STOX2: variants seen among roughly 807,000 people sequenced by gnomAD.
STOX2 encodes the protein storkhead box 2, also known as storkhead-box protein 2.
A neutral mutation model predicts 60.9 loss-of-function variants in STOX2; 28 were observed. The observed-to-expected ratio is 0.46, with a 90% CI of 0.34 to 0.63. The LOEUF is 0.63. Among genes scored for constraint, STOX2 ranks in the 30% least tolerant of loss-of-function variants. The pLI is 0.01. For missense variants in STOX2, 1,024 were observed against 1,187.7 expected (o/e 0.86, Z 2.03); for synonymous variants, 472 against 463.9 (o/e 1.02, Z -0.22).
chr4:183,896,702 T>C (rs80124539), intron 1 of STOX2, among the ~76,000 whole-genome samples: 3,927 of 152,338 alleles, frequency 0.026, 112 homozygotes, highest in Admixed American at 0.082. Flanking sequence ...TAAGTGGATT[T>C]ACAGCTCATC....
In STOX2 at chr4:184,009,195, G is replaced by A. The variant is rs760728690; in HGVS notation, c.357G>A (p.Thr119=). ...CAAGCCAAGAAATTCTGCGGCACAC[G>A]CTGAACACGCTGGTACGGGAGAGGA... is the stretch of plus-strand genomic sequence containing the variant. ...PTPSQEILRH[T]LNTLVRERKI... Residue 119 remains threonine, a synonymous_variant, in exon 3 of 4, where the codon ACG becomes ACA. Coordinates refer to ENST00000308497, the MANE Select transcript of STOX2 (RefSeq NM_020225.3). This position sits in a 1 kb window ranked among gnomAD's most constrained non-coding sequence, Gnocchi z 4.0. The A allele has an allele frequency of 6.2e-6, 8 of 1,299,886 alleles. No individual in the cohort carries two copies. The highest frequency in any genetic ancestry group is 3.2e-5 in the African/African-American group (2 of 63,228). 80.5% of individuals were successfully genotyped at this position (1,299,886 alleles called of 1,614,324 possible). A position where few individuals can be genotyped will look rare whatever the true frequency, so the allele number is the denominator to read the frequency against.
intron 1 of STOX2, among the ~76,000 whole-genome samples, chr4:183,990,795 G>A (rs1031699989): frequency 2.0e-5 from 3 of 151,774 alleles, no homozygotes; most frequent in Admixed American, 6.6e-5. Context: ...AACTGTTGCC[G>A]TAAAGGACAA....
chr4:183,944,486 T>C (rs1337430128), intron 1 of STOX2, among the ~76,000 whole-genome samples: 1 of 152,056 alleles, frequency 6.6e-6, no homozygotes, highest in African/African-American at 2.4e-5. Context: ...GAGGCCAAGG[T>C]GGGTGGATCA....
intron 1 of STOX2, among the ~76,000 whole-genome samples, chr4:183,932,352 CATACAGTATATGTATGTATACATACA>C (rs1742453370): frequency 4.5e-5 from 1 of 22,206 alleles, no homozygotes; most frequent in Non-Finnish European, 1.6e-4. Context: ...TGTATGTATA[CATACAGTATATGTATGTATACATACA>C]GTATATGTAT....
At chr4:183,852,025 GGATGAGGGAAAGGATGAGAGAAAC>G (rs2111143138) in intron 1 of STOX2, among the ~76,000 whole-genome samples, 3 of 86,006 alleles carry the variant, frequency 3.5e-5, no homozygotes, top group African/African-American at 1.3e-4. Context: ...ATGAGGGAAA[GGATGAGGGAAAGGATGAGAGAAAC>G]GATGAGGGAA....
rs928088690 is a variant in STOX2, at chr4:183,908,159, A to G, written c.166+1203A>G. 5.9e-5 allele frequency among the ~76,000 whole-genome samples: 9 copies of G among 152,232 alleles called. 1 individual carries two copies. Among genetic ancestry groups the G allele is most frequent in the Non-Finnish European group, 1.3e-4 (9 of 68,030 alleles). ...ATAAAAGAACCATCTTTTTTATTGC[A>G]AAGTCAGGCGACATAAGGATGTTGT... On this transcript the variant is annotated intron_variant, in intron 1 of 3. Coordinates refer to ENST00000308497, the MANE Select transcript of STOX2 (RefSeq NM_020225.3).
At chr4:184,003,322 G>A (rs565885832) in intron 2 of STOX2, among the ~76,000 whole-genome samples, 4 of 152,372 alleles carry the variant, frequency 2.6e-5, no homozygotes, top group South Asian at 4.1e-4. Context: ...TACAGCCAGT[G>A]TGTAATAGTA....
chr4:183,963,965 C>T (rs369140463), intron 1 of STOX2, among the ~76,000 whole-genome samples: 328 of 151,752 alleles, frequency 2.2e-3, no homozygotes, highest in Middle Eastern at 0.014. Flanking sequence ...TTAGTAGAGA[C>T]GGGGTTTCAC....
At chr4:183,999,656 C>T (rs144788949) in intron 1 of STOX2, among the ~76,000 whole-genome samples, 108 of 152,270 alleles carry the variant, frequency 7.1e-4, no homozygotes, top group African/African-American at 2.5e-3. Context: ...CTGCTTCCTC[C>T]GAGGCACCTG....
intron 1 of STOX2, among the ~76,000 whole-genome samples, chr4:183,954,189 G>A (rs1052010932): frequency 1.3e-5 from 2 of 152,194 alleles, no homozygotes; most frequent in Non-Finnish European, 2.9e-5. Context: ...TTCTTGTCAC[G>A]TTGCAGGGCC....
chr4:183,920,887 T>G (rs899602469), intron 1 of STOX2, among the ~76,000 whole-genome samples: 1 of 152,208 alleles, frequency 6.6e-6, no homozygotes, highest in Non-Finnish European at 1.5e-5. Context: ...CTCCTAGGTC[T>G]TAACGCATTT....
At chr4:183,924,741 G>T (rs1033552277) in intron 1 of STOX2, among the ~76,000 whole-genome samples, 1 of 152,128 alleles carries the variant, frequency 6.6e-6, no homozygotes, top group South Asian at 2.1e-4. Context: ...AGATAGGCTC[G>T]CAAGGGTGAC....
At chr4:183,926,769 G>T (rs559664798) in intron 1 of STOX2, among the ~76,000 whole-genome samples, 2 of 152,086 alleles carry the variant, frequency 1.3e-5, no homozygotes, top group African/African-American at 4.8e-5. Flanking sequence ...GACTTGGCAC[G>T]CGCCACCATG....
chr4:183,983,066 G>A (rs1022865987), intron 1 of STOX2, among the ~76,000 whole-genome samples: 1 of 152,124 alleles, frequency 6.6e-6, no homozygotes, highest in Admixed American at 6.5e-5. Context: ...ACCCAGCCAT[G>A]CTGAATCTAC....
rs147280621 is a variant in STOX2, at chr4:183,976,325, A to C, written c.167-25000A>C. Among the ~76,000 whole-genome samples, 185 of 152,328 alleles carry C rather than the reference A, an allele frequency of 1.2e-3. 1 individual carries two copies. Among genetic ancestry groups the C allele is most frequent in the South Asian group, 7.7e-3 (37 of 4,828 alleles). On this transcript the variant is annotated intron_variant, in intron 1 of 3. Transcript: ENST00000308497. Reference sequence around the variant, plus strand: ...AGACTGCGTCTCAAAAACAAACAAAAAAAAAGAAAATCAGTCAATGTAATC... The same window carrying C: ...AGACTGCGTCTCAAAAACAAACAAACAAAAAGAAAATCAGTCAATGTAATC...
At chr4:183,877,533 CA>C (rs1423304827) in intron 1 of STOX2, among the ~76,000 whole-genome samples, 7 of 152,204 alleles carry the variant, frequency 4.6e-5, no homozygotes, top group Non-Finnish European at 1.5e-5. Context: ...AACTTTGTTG[CA>C]GAGCCGTTTT....
At chr4:183,989,278 C>G (rs1194906803) in intron 1 of STOX2, among the ~76,000 whole-genome samples, 1 of 148,366 alleles carries the variant, frequency 6.7e-6, no homozygotes, top group Non-Finnish European at 1.5e-5. Flanking sequence ...TCTCAGCTCA[C>G]TGCAACCTCC....
chr4:183,847,944 C>G lies in STOX2; in HGVS notation c.364+49889C>G, dbSNP rs183651081. Among the ~76,000 whole-genome samples the G allele has an allele frequency of 4.8e-3, 737 of 152,074 alleles. 6 individuals are homozygous for G. The highest frequency in any genetic ancestry group is 7.4e-3 in the Non-Finnish European group (501 of 67,996). On this transcript the variant is annotated intron_variant, in intron 1 of 2. Coordinates refer to the STOX2 transcript ENST00000513034. ...TAAGTGCAGGATGCTACCTTATTAC[C>G]TTTGGTATAAAGAGAACTAGAGAGG...
rs1375499032 is a variant in STOX2, at chr4:184,021,351, A to G, written c.*4067A>G. On this transcript the variant is annotated 3_prime_UTR_variant, in exon 4 of 4. Transcript: ENST00000308497. ...TTTTCTATCTGTTTGATAGAGCATC[A>G]TGAGAAATCACAAAATACAATGCTA... The G allele has an allele frequency of 6.6e-6, 1 of 152,214 alleles. No individual in the cohort carries two copies. The highest frequency in any genetic ancestry group is 1.9e-4 in the East Asian group (1 of 5,198). The allele number at this position is 152,214 out of a possible 1,614,324, so 9.4% of individuals were successfully genotyped here. A position where few individuals can be genotyped will look rare whatever the true frequency, so the allele number is the denominator to read the frequency against.
Sources: allele counts gnomAD v4.1 joint callset (sites outside exome capture counted in the v4.1 genomes callset), GRCh38; gene constraint gnomAD v4.1.1; non-coding constraint Gnocchi (gnomAD v3.1); transcripts MANE v1.5; gene names NCBI Gene and HGNC (gene_info 2026-07-23, HGNC 2026-07-21).